The following ECPAS variants were observed in gnomAD, a reference collection of about 807,000 sequenced individuals.
ECPAS encodes the protein Ecm29 proteasome adaptor and scaffold.
ECPAS carries 70 observed loss-of-function variants against 255.1 expected under a neutral mutation model. That is an observed-to-expected ratio of 0.27 (90% CI 0.23 to 0.33). The LOEUF is 0.33. ECPAS is among the 10% of genes least tolerant of loss of function. The probability of loss-of-function intolerance (pLI) is 1.00; values close to 1 mark genes in which losing one functional copy is unlikely to be tolerated. For missense variants in ECPAS, 1,817 were observed against 2,206.4 expected (o/e 0.82, Z 3.54); for synonymous variants, 784 against 775.0 (o/e 1.01, Z -0.19).
chr9:111,463,800 G>A (rs1344344734), intron 2 of ECPAS, among the ~76,000 whole-genome samples: 1 of 152,142 alleles, frequency 6.6e-6, no homozygotes, highest in Non-Finnish European at 1.5e-5. Context: ...TGGCAAAGAT[G>A]GGAAACAAAC....
chr9:111,450,846 G>C (rs568805183), intron 3 of ECPAS, among the ~76,000 whole-genome samples: 31 of 152,236 alleles, frequency 2.0e-4, no homozygotes, highest in African/African-American at 7.0e-4. Flanking sequence ...GAGGGCCTAA[G>C]CCCAGAAGAT....
intron 6 of ECPAS, 81 bp downstream of exon 6, chr9:111,440,291 G>A: frequency 7.9e-7 from 1 of 1,264,554 alleles, no homozygotes; most frequent in South Asian, 1.8e-5. Context: ...TTACTAGTGA[G>A]AGTTTAATCA....
rs1362125732 is a variant in ECPAS at position 111,372,422 on chromosome 9, T to C, written c.4528+7A>G. On this transcript the variant is annotated splice_region_variant and intron_variant, in intron 42 of 49. Transcript: ENST00000684092. ...GAAGCAGGTTTAACTCAGGCCACAC[T>C]ACTAACCAGGTACGTTTTCCTGCCA... 6.2e-7 allele frequency: 1 copy of C among 1,612,860 alleles called. No homozygotes were observed. Among genetic ancestry groups the C allele is most frequent in the East Asian group, 2.2e-5 (1 of 44,872 alleles).
chr9:111,433,169 G>T, intron 8 of ECPAS, 64 bp downstream of exon 8: 1 of 1,548,148 alleles, frequency 6.5e-7, no homozygotes, highest in South Asian at 1.2e-5. Flanking sequence ...AACAAAAAAT[G>T]TGTCAAGTAA....
chr9:111,450,042 C>A (rs992043273), intron 3 of ECPAS, among the ~76,000 whole-genome samples: 1 of 152,068 alleles, frequency 6.6e-6, no homozygotes, highest in African/African-American at 2.4e-5. Context: ...AATATATTTC[C>A]TTTTCCATCT....
chr9:111,483,666 C>T (rs1161573378), intron 1 of ECPAS: 1 of 179,718 alleles, frequency 5.6e-6, no homozygotes, highest in South Asian at 1.6e-4. Flanking sequence ...CCGCGCTGTG[C>T]CCCGAGGCCC....
intron 1 of ECPAS, among the ~76,000 whole-genome samples, chr9:111,480,250 T>C (rs186288846): frequency 7.9e-5 from 12 of 151,530 alleles, no homozygotes; most frequent in African/African-American, 2.9e-4. Context: ...ATTTGGATAA[T>C]TCTCTCCTTT....
At chr9:111,399,488 G>T (rs75919599) in intron 24 of ECPAS, among the ~76,000 whole-genome samples, 8,470 of 152,162 alleles carry the variant, frequency 0.056, 569 homozygotes, top group African/African-American at 0.15. Flanking sequence ...AGTAACACCC[G>T]GTCACAGCAT....
At chr9:111,469,876 A>T (rs1191687859) in intron 2 of ECPAS, among the ~76,000 whole-genome samples, 2 of 152,176 alleles carry the variant, frequency 1.3e-5, no homozygotes, top group Non-Finnish European at 2.9e-5. Context: ...CCTGTTTGTA[A>T]AGAGTTACCC....
intron 32 of ECPAS, 35 bp downstream of exon 32, chr9:111,386,342 T>C (rs749441993): frequency 7.4e-7 from 1 of 1,344,302 alleles, no homozygotes; most frequent in Non-Finnish European, 1.1e-6. Flanking sequence ...AAATTCAGTT[T>C]TATTTGACTA....
intron 35 of ECPAS, 94 bp downstream of exon 35, chr9:111,383,117 T>C: frequency 6.8e-7 from 1 of 1,470,718 alleles, no homozygotes; most frequent in Non-Finnish European, 9.3e-7. Context: ...CCTAAACCTC[T>C]TTCTCCATAT....
At chr9:111,363,521 C>G in intron 49 of ECPAS, 67 bp downstream of exon 49, 1 of 968,788 alleles carries the variant, frequency 1.0e-6, no homozygotes, top group South Asian at 1.4e-5. Context: ...AAAAACGAAA[C>G]AAAAAATTTC....
chr9:111,402,339 C>A (rs928970593), intron 24 of ECPAS, among the ~76,000 whole-genome samples: 11 of 152,060 alleles, frequency 7.2e-5, no homozygotes, highest in Non-Finnish European at 1.6e-4. Context: ...ATGTGTCTTA[C>A]AAAAAATGCT....
Position 111,361,752 on chromosome 9 carries a change from G to T in ECPAS, c.*278C>A. 4.0e-6 allele frequency: 1 copy of T among 251,402 alleles called. No individual in the cohort carries two copies. Among genetic ancestry groups the T allele is most frequent in the Non-Finnish European group, 7.5e-6 (1 of 132,756 alleles). 15.6% of individuals were successfully genotyped at this position (251,402 alleles called of 1,614,324 possible). On this transcript the variant is annotated 3_prime_UTR_variant, in exon 50 of 50. Transcript: ENST00000684092. ...CTGTCTATTAATTCCTTTAATAACA[G>T]CTTGAACTCTTTTAGTAACTATTTC...
intron 33 of ECPAS, 93 bp from the exon 34 acceptor site, chr9:111,384,662 G>A: frequency 9.2e-7 from 1 of 1,085,892 alleles, no homozygotes; most frequent in Middle Eastern, 2.1e-4. Flanking sequence ...AGGCCCTACA[G>A]AGATTTGGTG....
intron 23 of ECPAS, among the ~76,000 whole-genome samples, chr9:111,409,046 G>A (rs1339841626): frequency 6.6e-6 from 1 of 152,114 alleles, no homozygotes; most frequent in Non-Finnish European, 1.5e-5. Context: ...TCCCCTCTGT[G>A]ACTCTGTTTC....
chr9:111,421,299 A>C (rs942635678), intron 15 of ECPAS, among the ~76,000 whole-genome samples: 4 of 152,162 alleles, frequency 2.6e-5, no homozygotes, highest in African/African-American at 9.7e-5. Context: ...AATTTATATT[A>C]ATCTGACTGA....
intron 30 of ECPAS, 71 bp downstream of exon 30, chr9:111,389,913 C>A: frequency 8.3e-7 from 1 of 1,204,384 alleles, no homozygotes; most frequent in South Asian, 1.3e-5. Flanking sequence ...TACCATTTGC[C>A]ACTGTCTGCC....
intron 9 of ECPAS, 87 bp from the exon 10 acceptor site, chr9:111,428,248 CTCTCAAACTT>C: frequency 2.3e-6 from 3 of 1,317,542 alleles, no homozygotes; most frequent in Non-Finnish European, 3.1e-6. Context: ...AATCAGTGGT[CTCTCAAACTT>C]TGTTTCAAGA....
Sources: gnomAD v4.1 joint callset for allele counts (sites outside exome capture counted in the v4.1 genomes callset) on GRCh38, gnomAD v4.1.1 for gene constraint, MANE v1.5 for transcripts, NCBI Gene and HGNC (gene_info 2026-07-23, HGNC 2026-07-21) for gene names.